ASPH: variants seen among roughly 807,000 people sequenced by gnomAD.
ASPH encodes the protein aspartyl/asparaginyl beta-hydroxylase.
In ASPH, 100 loss-of-function variants were observed where a neutral mutation model predicts 118.4. The ratio of observed to expected loss-of-function variants is 0.84; its 90% CI spans 0.72 to 1.00. ASPH has a LOEUF of 1.00. Among genes scored for constraint, ASPH ranks in the 50% least tolerant of loss-of-function variants. ASPH has a pLI of 0.00. For missense variants in ASPH, 920 were observed against 919.5 expected, an observed-to-expected ratio of 1.00 and a Z score of -0.01; for synonymous variants, 315 against 325.6, an observed-to-expected ratio of 0.97 and a Z score of 0.35.
At chr8:61,636,326 A>G (rs1258179255) in intron 12 of ASPH, among the ~76,000 whole-genome samples, 1 of 152,196 alleles carries the variant, frequency 6.6e-6, no homozygotes, top group Non-Finnish European at 1.5e-5. Flanking sequence ...AATGGATTTA[A>G]GAAATGTTTA....
chr8:61,579,081 G>T (rs545077103), intron 15 of ASPH: 25 of 1,609,246 alleles, frequency 1.6e-5, no homozygotes, highest in Non-Finnish European at 2.0e-5. Context: ...CAAGTATGAG[G>T]AGCTGCAGAG....
chr8:61,678,841 A>G (rs2151580167), intron 3 of ASPH, among the ~76,000 whole-genome samples: 1 of 152,200 alleles, frequency 6.6e-6, no homozygotes, highest in Admixed American at 6.6e-5. Flanking sequence ...CTCCAGTGAG[A>G]ACGTACCTTG....
At chr8:61,556,447 A>G (rs1827903718) in intron 18 of ASPH, among the ~76,000 whole-genome samples, 1 of 152,210 alleles carries the variant, frequency 6.6e-6, no homozygotes, top group African/African-American at 2.4e-5. Context: ...CAAGCTTTAT[A>G]CATTGCCTTA....
At chr8:61,649,597 G>T (rs758078179) in intron 5 of ASPH, among the ~76,000 whole-genome samples, 4 of 152,100 alleles carry the variant, frequency 2.6e-5, no homozygotes, top group Non-Finnish European at 4.4e-5. Context: ...CAAGAAGGAG[G>T]CTGTGGCCAG....
intron 17 of ASPH, among the ~76,000 whole-genome samples, chr8:61,564,189 C>T (rs968671788): frequency 6.6e-6 from 1 of 151,802 alleles, no homozygotes. Flanking sequence ...TAATGTAAAA[C>T]ATTCATGATG....
chr8:61,666,347 A>G (rs1207425279), intron 3 of ASPH, among the ~76,000 whole-genome samples: 1 of 152,188 alleles, frequency 6.6e-6, no homozygotes, highest in Non-Finnish European at 1.5e-5. Context: ...CATGGAAGGT[A>G]TTGCTTTCAA....
chr8:61,657,718 G>C (rs900778594), intron 3 of ASPH: 1 of 152,094 alleles, frequency 6.6e-6, no homozygotes, highest in African/African-American at 2.4e-5. Context: ...CCTGGATGCT[G>C]GATCCAAGGG....
At chr8:61,637,173 T>C (rs1365765850) in intron 12 of ASPH, among the ~76,000 whole-genome samples, 1 of 151,994 alleles carries the variant, frequency 6.6e-6, no homozygotes, top group African/African-American at 2.4e-5. Flanking sequence ...CCTGGCAACT[T>C]ATGGTTGTTA....
intron 3 of ASPH, among the ~76,000 whole-genome samples, chr8:61,674,017 C>T (rs753462918): frequency 5.3e-5 from 8 of 152,094 alleles, no homozygotes; most frequent in Non-Finnish European, 7.4e-5. Context: ...AATTTCTGTA[C>T]ATAAAATATG....
intron 20 of ASPH, among the ~76,000 whole-genome samples, chr8:61,549,164 A>AT (rs1204934240): frequency 6.6e-6 from 1 of 152,238 alleles, no homozygotes; most frequent in Non-Finnish European, 1.5e-5. Context: ...AGTAACTTGA[A>AT]TATCTTCTTT....
At chr8:61,663,093 T>C in intron 3 of ASPH, 18 of 985,394 alleles carry the variant, frequency 1.8e-5, no homozygotes, top group Non-Finnish European at 2.0e-5. Context: ...AAACATTCCA[T>C]TTATCTCAGG....
At chr8:61,537,680 T>G (rs1820150073) in intron 21 of ASPH, among the ~76,000 whole-genome samples, 1 of 152,192 alleles carries the variant, frequency 6.6e-6, no homozygotes, top group African/African-American at 2.4e-5. Flanking sequence ...TGTAGCATAT[T>G]GAGACAAATC....
chr8:61,643,057 T>A, intron 9 of ASPH, 137 bp from the exon 10 acceptor site: 1 of 808,518 alleles, frequency 1.2e-6, no homozygotes, highest in Non-Finnish European at 1.8e-6. Context: ...GCTCAGTCAA[T>A]AATAAATGCC....
intron 14 of ASPH, among the ~76,000 whole-genome samples, chr8:61,602,276 A>G (rs992421814): frequency 6.6e-6 from 1 of 151,512 alleles, no homozygotes; most frequent in African/African-American, 2.5e-5. Flanking sequence ...TTATCTCAGA[A>G]ATGTATTAAT....
rs928382197 is a variant in ASPH at position 61,517,605 on chromosome 8, T to C, written c.2049A>G (p.Thr683=). The stretch of plus-strand genomic sequence containing the variant: ...CCAGGTGCATTCGGAGCCTGCAGTT[T>C]GTGGGCCCTGTGTGCGGCCACACGT... ...GTHVWPHTGP[T]NCRLRMHLGL... is the part of the protein sequence containing the mutation. The change falls in exon 24 of 25, where the codon ACA becomes ACG. Residue 683 remains threonine (T), a synonymous_variant. Transcript: ENST00000379454. The C allele has an allele frequency of 1.2e-6, 2 of 1,614,018 alleles. No homozygotes were observed. The highest frequency in any genetic ancestry group is 3.3e-5 in the Admixed American group (2 of 59,998).
chr8:61,671,289 C>A (rs1186483358), intron 3 of ASPH, among the ~76,000 whole-genome samples: 5 of 152,094 alleles, frequency 3.3e-5, no homozygotes, highest in African/African-American at 9.7e-5. Context: ...CACAAGCATG[C>A]ACTACTTTTC....
At chr8:61,663,709 G>C (rs192378057) in intron 3 of ASPH, 21 of 976,134 alleles carry the variant, frequency 2.2e-5, no homozygotes, top group Non-Finnish European at 2.3e-5. Flanking sequence ...AATATCTTCA[G>C]GCCTTAATTT....
chr8:61,686,944 TA>T (rs1331224353), intron 1 of ASPH, among the ~76,000 whole-genome samples: 2 of 152,150 alleles, frequency 1.3e-5, no homozygotes, highest in Non-Finnish European at 2.9e-5. Flanking sequence ...GAATATCAGA[TA>T]ATTTTACCCA....
At chr8:61,652,923 G>A (rs145907881) in intron 4 of ASPH, among the ~76,000 whole-genome samples, 82 of 152,316 alleles carry the variant, frequency 5.4e-4, no homozygotes, top group African/African-American at 1.9e-3. Context: ...CAGTACTTAA[G>A]TTTTCAGTAA....
Sources: gnomAD v4.1 joint callset for allele counts (sites outside exome capture counted in the v4.1 genomes callset) on GRCh38, gnomAD v4.1.1 for gene constraint, MANE v1.5 for transcripts, NCBI Gene and HGNC (gene_info 2026-07-23, HGNC 2026-07-21) for gene names.